Variants in REV1 observed in about 807,000 individuals in gnomAD.
REV1 encodes the protein REV1 DNA directed polymerase.
Under a neutral mutation model 137.4 loss-of-function variants are expected in REV1, and 42 were observed. That is an observed-to-expected ratio of 0.31 (90% confidence interval 0.24 to 0.40). REV1 has a LOEUF of 0.40. REV1 is among the 10% of genes least tolerant of loss of function. The pLI, the probability that REV1 is intolerant of heterozygous loss-of-function variation, is 1.00. For missense variants in REV1, 1,282 were observed against 1,490.1 expected, an observed-to-expected ratio of 0.86 and a Z score of 2.30; for synonymous variants, 524 against 519.2, an observed-to-expected ratio of 1.01 and a Z score of -0.12.
intron 12 of REV1, among the ~76,000 whole-genome samples, chr2:99,418,287 G>C (rs1293215535): frequency 6.6e-6 from 1 of 152,194 alleles, no homozygotes; most frequent in Non-Finnish European, 1.5e-5. Flanking sequence ...CCTTAGGTGA[G>C]AAAGGTTAAG....
chr2:99,425,801 C>T (rs1280241980), intron 9 of REV1, among the ~76,000 whole-genome samples: 1 of 152,166 alleles, frequency 6.6e-6, no homozygotes, highest in African/African-American at 2.4e-5. Flanking sequence ...CTTTGGGAGG[C>T]CGAGGCAGGC....
At chr2:99,456,854 C>A (rs1683589789) in intron 3 of REV1, among the ~76,000 whole-genome samples, 1 of 152,022 alleles carries the variant, frequency 6.6e-6, no homozygotes, top group Non-Finnish European at 1.5e-5. Context: ...TCCTCAGAGG[C>A]AAAAGAACAA....
intron 12 of REV1, among the ~76,000 whole-genome samples, chr2:99,414,900 T>C (rs1677643197): frequency 6.6e-6 from 1 of 152,232 alleles, no homozygotes; most frequent in South Asian, 2.1e-4. Flanking sequence ...TTAGAGTATC[T>C]TGAGTATACC....
chr2:99,478,832 T>C (rs1038184010), intron 1 of REV1, among the ~76,000 whole-genome samples: 2 of 152,206 alleles, frequency 1.3e-5, no homozygotes, highest in Non-Finnish European at 2.9e-5. Flanking sequence ...CATTTCCAGC[T>C]GGACTGCGGC....
intron 4 of REV1, among the ~76,000 whole-genome samples, chr2:99,444,685 T>C (rs999930643): frequency 3.9e-5 from 6 of 152,250 alleles, no homozygotes; most frequent in African/African-American, 1.2e-4. Flanking sequence ...CAGTTATAAT[T>C]TGAAGCCTAA....
At chr2:99,462,199 G>T (rs1294917493) in intron 3 of REV1, among the ~76,000 whole-genome samples, 1 of 152,144 alleles carries the variant, frequency 6.6e-6, no homozygotes, top group Non-Finnish European at 1.5e-5. Context: ...CAATGAAATG[G>T]ACCTACAGTG....
At chr2:99,476,317 G>A (rs903460219) in intron 1 of REV1, among the ~76,000 whole-genome samples, 6 of 152,106 alleles carry the variant, frequency 3.9e-5, no homozygotes, top group East Asian at 1.9e-4. Context: ...CAACACTTTA[G>A]GAGGCTGAGG....
At chr2:99,451,470 T>G (rs1432260702) in intron 3 of REV1, 15 of 1,304,064 alleles carry the variant, frequency 1.2e-5, no homozygotes, top group Non-Finnish European at 1.5e-5. Flanking sequence ...TCTTACATAT[T>G]CTTCAGTGTG....
chr2:99,484,654 T>C (rs1686960175), intron 1 of REV1, among the ~76,000 whole-genome samples: 1 of 151,932 alleles, frequency 6.6e-6, no homozygotes, highest in Admixed American at 6.6e-5. Context: ...ATTTCACTTA[T>C]AATACAAGCA....
chr2:99,447,235 T>C (rs1256504290), intron 4 of REV1, among the ~76,000 whole-genome samples: 1 of 151,914 alleles, frequency 6.6e-6, no homozygotes, highest in African/African-American at 2.4e-5. Context: ...CAGCTCATTG[T>C]AACCTTTGTC....
chr2:99,426,799 C>G (rs1347057162), intron 9 of REV1, among the ~76,000 whole-genome samples: 2 of 152,146 alleles, frequency 1.3e-5, no homozygotes, highest in Non-Finnish European at 2.9e-5. Flanking sequence ...GCAAAAACAG[C>G]TTATTCCTAC....
intron 1 of REV1, among the ~76,000 whole-genome samples, chr2:99,473,216 AT>A (rs1446076543): frequency 6.6e-6 from 1 of 152,118 alleles, no homozygotes; most frequent in African/African-American, 2.4e-5. Context: ...TCCAAAAAAA[AT>A]ATTAGCTGGG....
At position 99,412,772 on chromosome 2, in the gene REV1, A is replaced by AT. The variant is rs1256050380; in HGVS notation, c.2130dup (p.Ser711IlefsTer5). On this transcript the variant is annotated frameshift_variant, in exon 13 of 23. Transcript: ENST00000258428. LOFTEE classifies it high-confidence loss of function. ...CCATAGTTGATCTCAGCTGAAACAGATTTTCTTTCCTTTTCAGTTCGAACT... is the reference window on the plus strand; with the variant it reads ...CCATAGTTGATCTCAGCTGAAACAGATTTTTCTTTCCTTTTCAGTTCGAACT... The AT allele has an allele frequency of 6.2e-7, 1 of 1,613,980 alleles. No individual in the cohort carries two copies.
intron 9 of REV1, among the ~76,000 whole-genome samples, chr2:99,425,254 A>T (rs1166028580): frequency 6.6e-6 from 1 of 152,214 alleles, no homozygotes; most frequent in African/African-American, 2.4e-5. Flanking sequence ...AGACCATGAG[A>T]GCCAAGAAGA....
At chr2:99,437,636 A>T (rs1260929616) in intron 6 of REV1, among the ~76,000 whole-genome samples, 1 of 152,216 alleles carries the variant, frequency 6.6e-6, no homozygotes, top group Non-Finnish European at 1.5e-5. Context: ...AGTATCTACC[A>T]AATGCTTTCA....
chr2:99,419,490 A>G (rs1216307794), intron 11 of REV1, among the ~76,000 whole-genome samples: 1 of 152,082 alleles, frequency 6.6e-6, no homozygotes, highest in African/African-American at 2.4e-5. Flanking sequence ...GACTACAGGA[A>G]TGAGCCACCG....
chr2:99,431,028 G>C (rs561072214), intron 8 of REV1, among the ~76,000 whole-genome samples: 1 of 152,220 alleles, frequency 6.6e-6, no homozygotes, highest in East Asian at 1.9e-4. Context: ...TTTCTCTTTT[G>C]TTTATTTCAG....
rs550670643 is a variant in REV1 at position 99,421,716 on chromosome 2, T to G, written c.1677-63A>C. On this transcript the variant is annotated intron_variant, in intron 10 of 22. Coordinates refer to ENST00000258428, the MANE Select transcript of REV1 (RefSeq NM_016316.4). The stretch of plus-strand genomic sequence containing the variant: ...AGCCACCATCTGGTAGACCCAATGT[T>G]GCAAAATAGTCTTCTTATCCTCTCT... 8 of 1,504,638 alleles carry G rather than the reference T, an allele frequency of 5.3e-6. No homozygotes were observed. In the East Asian group the frequency reaches 1.7e-4, roughly 31 times the overall value. 93.2% of individuals were successfully genotyped at this position (1,504,638 alleles called of 1,614,324 possible).
intron 4 of REV1, 80 bp downstream of exon 4, chr2:99,449,256 C>G: frequency 1.2e-6 from 1 of 861,240 alleles, no homozygotes; most frequent in Non-Finnish European, 1.6e-6. Context: ...CAAAGCGAGA[C>G]CCTATCTCAA....
Sources: allele counts gnomAD v4.1 joint callset (sites outside exome capture counted in the v4.1 genomes callset), GRCh38; gene constraint gnomAD v4.1.1; transcripts MANE v1.5; gene names NCBI Gene and HGNC (gene_info 2026-07-23, HGNC 2026-07-21).